Variants in ACOT7 observed in about 807,000 individuals in gnomAD.
ACOT7 encodes the protein acyl-CoA thioesterase 7, also known as cytosolic acyl coenzyme A thioester hydrolase.
A neutral mutation model predicts 40.2 loss-of-function variants in ACOT7; 12 were observed. The ratio of observed to expected loss-of-function variants is 0.30; its 90% CI spans 0.19 to 0.48. The LOEUF is 0.48. Among genes scored for constraint, ACOT7 ranks in the 20% least tolerant of loss-of-function variants. The pLI is 0.99. For missense variants in ACOT7, 395 were observed against 530.8 expected (o/e 0.74, Z 2.51); for synonymous variants, 228 against 219.5 (o/e 1.04, Z -0.34).
chr1:6,315,216 C>G (rs1336035245), intron 6 of ACOT7, among the ~76,000 whole-genome samples: 1 of 152,176 alleles, frequency 6.6e-6, no homozygotes, highest in Admixed American at 6.5e-5. Context: ...AAACGGGACT[C>G]GGGCGCAGCT....
chr1:6,386,539 T>C (rs898650983), intron 1 of ACOT7, among the ~76,000 whole-genome samples: 5 of 152,094 alleles, frequency 3.3e-5, no homozygotes, highest in Admixed American at 2.6e-4. Context: ...CTGCATTTCC[T>C]CTCAAAGATA....
chr1:6,280,070 C>T (rs1161651527), intron 8 of ACOT7, among the ~76,000 whole-genome samples: 11 of 152,242 alleles, frequency 7.2e-5, no homozygotes, highest in Non-Finnish European at 1.6e-4. Context: ...GCAGGGGCCT[C>T]GAGAACCTCT....
rs1422282655 is a variant in ACOT7, at chr1:6,301,462, A to G, written c.713-6482T>C. Among the ~76,000 whole-genome samples, 1 of 152,072 alleles carries G rather than the reference A, an allele frequency of 6.6e-6. No homozygotes were observed. The highest frequency in any genetic ancestry group is 1.5e-5 in the Non-Finnish European group (1 of 68,014). On this transcript the variant is annotated intron_variant, in intron 6 of 8. Transcript: ENST00000361521. This position sits in a 1 kb window ranked among gnomAD's most constrained non-coding sequence, Gnocchi z 4.1. ...TGCCTGGTGTGCGAATACCCTCTTC[A>G]CCACCCCCATGCTCCTGCAGGCTCC... is the stretch of plus-strand genomic sequence containing the variant.
rs938529416 is a variant in ACOT7 at position 6,278,086 on chromosome 1, G to T, written c.1014+3016C>A. Among the ~76,000 whole-genome samples, 57 of 152,206 alleles carry T rather than the reference G, an allele frequency of 3.7e-4. No homozygotes were observed. The highest frequency in any genetic ancestry group is 1.3e-3 in the African/African-American group (56 of 41,508). On this transcript the variant is annotated intron_variant, in intron 8 of 8. Coordinates refer to ENST00000361521, the MANE Select transcript of ACOT7 (RefSeq NM_007274.4). The surrounding 1 kb of genome is among the most constrained non-coding windows in gnomAD (Gnocchi z 4.1). ...TCCACGCAGCGTCTGCAGTGGCGGG[G>T]GGTGGTTGGGAGGGGGTCTGGGGTG...
rs1011209178 is a variant in ACOT7 at position 6,315,479 on chromosome 1, C to T, written c.712+3013G>A. ...TATAAGAGAAGGTTAAGGCTGGGCACGGTGGCTCATGCCTGTAATCCCAGC... is the reference window on the plus strand; with the variant it reads ...TATAAGAGAAGGTTAAGGCTGGGCATGGTGGCTCATGCCTGTAATCCCAGC... On this transcript the variant is annotated intron_variant, in intron 6 of 8. Transcript: ENST00000361521. Among the ~76,000 whole-genome samples, 6 of 152,084 alleles carry T rather than the reference C, an allele frequency of 3.9e-5. No individual in the cohort carries two copies. In the East Asian group the frequency reaches 9.6e-4, roughly 24 times the overall value.
intron 2 of ACOT7, among the ~76,000 whole-genome samples, chr1:6,348,322 A>G (rs895771169): frequency 6.6e-6 from 1 of 151,028 alleles, no homozygotes; most frequent in Non-Finnish European, 1.5e-5. Context: ...GCACACACAC[A>G]TGCATACGCA....
chr1:6,286,691 TGGCTCTCCTTCATCAGGGGCTCCACA>T (rs1639513399), intron 7 of ACOT7, among the ~76,000 whole-genome samples: 1 of 152,202 alleles, frequency 6.6e-6, no homozygotes, highest in Admixed American at 6.5e-5. Context: ...CCACTCACAG[TGGCTCTCCTTCATCAGGGGCTCCACA>T]GGCCACCTGG....
At chr1:6,345,591 G>A (rs140383368) in intron 2 of ACOT7, among the ~76,000 whole-genome samples, 2 of 152,202 alleles carry the variant, frequency 1.3e-5, no homozygotes, top group African/African-American at 2.4e-5. Flanking sequence ...TCTGACATGC[G>A]GGGATAAGGC....
rs1640164402 is a variant in ACOT7, at chr1:6,306,636, C to A, written c.713-11656G>T. 1 of 985,430 alleles carries A rather than the reference C, an allele frequency of 1.0e-6. No homozygotes were observed. Among genetic ancestry groups the A allele is most frequent in the South Asian group, 4.7e-5 (1 of 21,284 alleles). The allele number at this position is 985,430 out of a possible 1,614,324, so 61.0% of individuals were successfully genotyped here. ...GAATTTAACTGCAGCCTGTGCCACT[C>A]AGCTTCACGAGGAAGAAAGCGGCGT... is the stretch of plus-strand genomic sequence containing the variant. On this transcript the variant is annotated intron_variant, in intron 6 of 8. Transcript: ENST00000361521. The surrounding 1 kb of genome is among the most constrained non-coding windows in gnomAD (Gnocchi z 4.3).
chr1:6,286,501 G>A (rs1039665604), intron 7 of ACOT7, among the ~76,000 whole-genome samples: 5 of 152,168 alleles, frequency 3.3e-5, no homozygotes, highest in Admixed American at 1.3e-4. Flanking sequence ...GAAGCCATGC[G>A]GGAGGAGCCC....
intron 1 of ACOT7, among the ~76,000 whole-genome samples, chr1:6,368,145 C>T (rs995139342): frequency 3.9e-5 from 6 of 152,122 alleles, no homozygotes; most frequent in African/African-American, 1.4e-4. Flanking sequence ...GGCCAGCCAA[C>T]CCCCAGGCTT....
chr1:6,356,115 A>G (rs3789469), intron 1 of ACOT7, among the ~76,000 whole-genome samples: 53,453 of 152,082 alleles, frequency 0.35, 14,563 homozygotes, highest in African/African-American at 0.77. Context: ...GTGCCTTAGG[A>G]AGGGCCCTAA....
intron 1 of ACOT7, among the ~76,000 whole-genome samples, chr1:6,381,411 CAAAT>C (rs954686684): frequency 1.3e-5 from 2 of 151,386 alleles, no homozygotes; most frequent in African/African-American, 2.4e-5. Context: ...ATACAGTTGA[CAAAT>C]AAACACATGA....
chr1:6,278,877 C>A lies in ACOT7; in HGVS notation c.1014+2225G>T, dbSNP rs562693139. ...GACAGGGAGCGGACAGCAGACAGGG[C>A]GTGTCCTTGCGTCTGTCCATGCTGC... On this transcript the variant is annotated intron_variant, in intron 8 of 8. Coordinates refer to ENST00000361521, the MANE Select transcript of ACOT7 (RefSeq NM_007274.4). The surrounding 1 kb of genome is among the most constrained non-coding windows in gnomAD (Gnocchi z 4.1). 6.6e-6 allele frequency among the ~76,000 whole-genome samples: 1 copy of A among 152,096 alleles called. No individual in the cohort carries two copies. Among genetic ancestry groups the A allele is most frequent in the Admixed American group, 6.5e-5 (1 of 15,276 alleles).
chr1:6,289,256 C>T lies in ACOT7; in HGVS notation c.829+5608G>A, dbSNP rs988299605. ...CTGGGATTACAGGCGCCTGCCCCCACGCCCGGCTAATTTTTGTATTTTTAG... is the reference window on the plus strand; with the variant it reads ...CTGGGATTACAGGCGCCTGCCCCCATGCCCGGCTAATTTTTGTATTTTTAG... On this transcript the variant is annotated intron_variant, in intron 7 of 8. Coordinates refer to ENST00000361521, the MANE Select transcript of ACOT7 (RefSeq NM_007274.4). The surrounding 1 kb of genome is among the most constrained non-coding windows in gnomAD (Gnocchi z 4.6). Among the ~76,000 whole-genome samples the T allele has an allele frequency of 5.9e-5, 9 of 152,106 alleles. No homozygotes were observed. Among genetic ancestry groups the T allele is most frequent in the Admixed American group, 3.3e-4 (5 of 15,272 alleles).
rs1266354919 is a variant in ACOT7, at chr1:6,293,183, T to C, written c.829+1681A>G. ...GCATTACAGGCGTGAGCCACAGCGC[T>C]CAGCCAGAAAGTCTATTTCTTTCCT... On this transcript the variant is annotated intron_variant, in intron 7 of 8. Coordinates refer to ENST00000361521, the MANE Select transcript of ACOT7 (RefSeq NM_007274.4). 2.0e-5 allele frequency among the ~76,000 whole-genome samples: 3 copies of C among 152,138 alleles called. No homozygotes were observed. The East Asian group carries it at 5.8e-4, about 29-fold the overall frequency.
chr1:6,321,349 G>C (rs985023226), intron 5 of ACOT7, among the ~76,000 whole-genome samples: 9 of 152,162 alleles, frequency 5.9e-5, no homozygotes, highest in African/African-American at 2.2e-4. Context: ...CCTCCAGTCA[G>C]TTCCATGTGA....
intron 8 of ACOT7, 39 bp downstream of exon 8, chr1:6,281,063 T>TCCTAG: frequency 6.3e-7 from 1 of 1,598,212 alleles, no homozygotes; most frequent in Non-Finnish European, 8.5e-7. Flanking sequence ...TAGGGCTGCC[T>TCCTAG]GGCAGGGAGG....
At chr1:6,357,830 G>A (rs1641788775) in intron 1 of ACOT7, among the ~76,000 whole-genome samples, 1 of 151,598 alleles carries the variant, frequency 6.6e-6, no homozygotes, top group Non-Finnish European at 1.5e-5. Context: ...TTCCATGGGG[G>A]ACTCTGCCAA....
Sources: gnomAD v4.1 joint callset for allele counts (sites outside exome capture counted in the v4.1 genomes callset) on GRCh38, gnomAD v4.1.1 for gene constraint, Gnocchi (gnomAD v3.1) non-coding constraint, MANE v1.5 for transcripts, NCBI Gene and HGNC (gene_info 2026-07-23, HGNC 2026-07-21) for gene names.